The following SEL1L3 variants were observed in gnomAD, a reference collection of about 807,000 sequenced individuals.
SEL1L3 encodes the protein protein sel-1 homolog 3.
Under a neutral mutation model 142.8 loss-of-function variants are expected in SEL1L3, and 76 were observed. The ratio of observed to expected loss-of-function variants is 0.53; its 90% CI spans 0.44 to 0.64. The LOEUF (loss-of-function observed/expected upper bound fraction) is 0.64. Among genes scored for constraint, SEL1L3 ranks in the 30% least tolerant of loss-of-function variants. SEL1L3 has a pLI of 0.00. For missense variants in SEL1L3, 1,262 were observed against 1,381.7 expected (o/e 0.91, Z 1.37); for synonymous variants, 504 against 519.6 (o/e 0.97, Z 0.41).
the SEL1L3 span, among the ~76,000 whole-genome samples, chr4:25,726,584 A>C: frequency 1.3e-5 from 2 of 151,610 alleles, no homozygotes; most frequent in Non-Finnish European, 2.9e-5. Context: ...CTCTGAAGAC[A>C]GCCTGAGATG....
chr4:25,774,399 T>C (rs1719454697), intron 17 of SEL1L3, among the ~76,000 whole-genome samples: 1 of 152,136 alleles, frequency 6.6e-6, no homozygotes, highest in African/African-American at 2.4e-5. Context: ...TCAGGTCTCC[T>C]TTCTCCTTCC....
the SEL1L3 span, among the ~76,000 whole-genome samples, chr4:25,724,746 AAAAAAAAAAAAAAAAAAAAAAAAAAG>A: frequency 1.0e-5 from 1 of 97,052 alleles, no homozygotes; most frequent in South Asian, 3.9e-4. Flanking sequence ...CAAAAAAAAA[AAAAAAAAAAAAAAAAAAAAAAAAAAG>A]GAAAAGAAAT....
At position 25,818,172 on chromosome 4, in the gene SEL1L3, C is replaced by G; in HGVS notation, c.1530G>C (p.Leu510Phe). 6.2e-7 allele frequency: 1 copy of G among 1,611,192 alleles called. No individual in the cohort carries two copies. Among genetic ancestry groups the G allele is most frequent in the South Asian group, 1.1e-5 (1 of 90,126 alleles). Residue 510 changes from leucine to phenylalanine, a missense_variant, in exon 9 of 24, where the codon TTG becomes TTC. This residue lies in a region of SEL1L3 where 689 missense variants were observed against 692.8 expected (regional missense o/e 0.99). Transcript: ENST00000399878. ...GATCCATCTCCAGCAATGCCTGGAACAAGCTGGGGTGTTTGTCTTTCAGCT... is the reference window on the plus strand; with the variant it reads ...GATCCATCTCCAGCAATGCCTGGAAGAAGCTGGGGTGTTTGTCTTTCAGCT... ...EKELKDKHPS[L>F]FQALLEMDLL...
At chr4:25,737,292 G>T in the SEL1L3 span, among the ~76,000 whole-genome samples, 2 of 152,094 alleles carry the variant, frequency 1.3e-5, no homozygotes, top group African/African-American at 4.8e-5. Flanking sequence ...CTCAGACTAG[G>T]TTTAAACAAC....
chr4:25,718,115 T>A, the SEL1L3 span: 1 of 152,164 alleles, frequency 6.6e-6, no homozygotes. Context: ...GGTTTAAGGA[T>A]AATAGGAAGA....
At position 25,862,978 on chromosome 4, in the gene SEL1L3, C is replaced by CCGCCGCCAATGCCGCTCCCGCCGT; in HGVS notation, c.-143_-142insACGGCGGGAGCGGCATTGGCGGCG. The stretch of plus-strand genomic sequence containing the variant: ...CCTGCCGCCACCTCCGGACCCGCCG[C>CCGCCGCCAATGCCGCTCCCGCCGT]CGCCGCCACTGCCGCTCCCGCCGTC... On this transcript the variant is annotated 5_prime_UTR_variant, in exon 1 of 24. Transcript: ENST00000399878. The CCGCCGCCAATGCCGCTCCCGCCGT allele has an allele frequency of 2.3e-6, 1 of 430,836 alleles. No individual in the cohort carries two copies. Among genetic ancestry groups the CCGCCGCCAATGCCGCTCCCGCCGT allele is most frequent in the Non-Finnish European group, 3.1e-6 (1 of 326,110 alleles). 26.7% of individuals were successfully genotyped at this position (430,836 alleles called of 1,614,324 possible). A position where few individuals can be genotyped will look rare whatever the true frequency, so the allele number is the denominator to read the frequency against.
rs368579012 is a variant in SEL1L3 at position 25,788,390 on chromosome 4, A to G, written c.2077-26T>C. 3 of 1,612,068 alleles carry G rather than the reference A, an allele frequency of 1.9e-6. No individual in the cohort carries two copies. Among genetic ancestry groups the G allele is most frequent in the Non-Finnish European group, 2.5e-6 (3 of 1,179,256 alleles). On this transcript the variant is annotated intron_variant, in intron 12 of 23. Coordinates refer to ENST00000399878, the MANE Select transcript of SEL1L3 (RefSeq NM_015187.5). The surrounding 1 kb of genome is among the most constrained non-coding windows in gnomAD (Gnocchi z 5.3). ...CTTAAAGATAATAGCAATTTAGAACAATGACTTTTCCTGTATAATGCTTAA... is the reference window on the plus strand; with the variant it reads ...CTTAAAGATAATAGCAATTTAGAACGATGACTTTTCCTGTATAATGCTTAA...
chr4:25,800,271 C>A (rs1713084874), intron 11 of SEL1L3, among the ~76,000 whole-genome samples: 1 of 152,178 alleles, frequency 6.6e-6, no homozygotes, highest in Non-Finnish European at 1.5e-5. Context: ...ACATTTAAAT[C>A]AACATATGAC....
At chr4:25,862,629 G>A (rs529438286) in intron 1 of SEL1L3, 46 bp downstream of exon 1, 1 of 1,119,390 alleles carries the variant, frequency 8.9e-7, no homozygotes, top group Non-Finnish European at 1.1e-6. Flanking sequence ...CCGCGTCCCC[G>A]GGGCCCCGCG....
chr4:25,856,593 T>TAAAAAAAAAAAA (rs397765802), intron 1 of SEL1L3, among the ~76,000 whole-genome samples: 1 of 117,122 alleles, frequency 8.5e-6, no homozygotes, highest in African/African-American at 2.7e-5. Flanking sequence ...GTATTGTAAT[T>TAAAAAAAAAAAA]AAAAAAAAAA....
intron 11 of SEL1L3, among the ~76,000 whole-genome samples, chr4:25,798,656 C>T (rs1466738840): frequency 6.6e-6 from 1 of 152,118 alleles, no homozygotes; most frequent in Non-Finnish European, 1.5e-5. Flanking sequence ...GGTGAAATCC[C>T]GTCTTCCCTA....
intron 23 of SEL1L3, among the ~76,000 whole-genome samples, chr4:25,751,247 G>T (rs1560272379): frequency 1.3e-5 from 2 of 152,168 alleles, no homozygotes; most frequent in African/African-American, 4.8e-5. Context: ...AGTGGACAAG[G>T]AGAGTGCTTT....
chr4:25,780,720 AATATATAAATAAT>A (rs1283165748), intron 15 of SEL1L3, among the ~76,000 whole-genome samples: 9 of 147,288 alleles, frequency 6.1e-5, no homozygotes, highest in African/African-American at 2.2e-4. Context: ...ATATATATAA[AATATATAAATAAT>A]ATATATAAAT....
At position 25,832,962 on chromosome 4, in the gene SEL1L3, G is replaced by A. The variant is rs373663417; in HGVS notation, c.1098+33C>T. On this transcript the variant is annotated intron_variant, in intron 5 of 23. Coordinates refer to ENST00000399878, the MANE Select transcript of SEL1L3 (RefSeq NM_015187.5). ...TGCTTAACTTTAAGCGAAAATGCTC[G>A]TATGTCGTGTGATGAAGCGTGCATA... 2.6e-5 allele frequency: 34 copies of A among 1,302,374 alleles called. 1 individual carries two copies. The highest frequency in any genetic ancestry group is 6.0e-5 in the South Asian group (5 of 82,894). The allele number at this position is 1,302,374 out of a possible 1,614,324, so 80.7% of individuals were successfully genotyped here. A position where few individuals can be genotyped will look rare whatever the true frequency, so the allele number is the denominator to read the frequency against.
Position 25,847,659 on chromosome 4 carries a change from C to T in SEL1L3, c.368G>A (p.Ser123Asn). 1 of 1,613,976 alleles carries T rather than the reference C, an allele frequency of 6.2e-7. No individual in the cohort carries two copies. The highest frequency in any genetic ancestry group is 8.5e-7 in the Non-Finnish European group (1 of 1,179,876). Residue 123 changes from serine (S) to asparagine (N), a missense_variant, in exon 2 of 24, where the codon AGT becomes AAT. Coordinates refer to ENST00000399878, the MANE Select transcript of SEL1L3 (RefSeq NM_015187.5). ...LEAVVSSEFR[S>N]SIPVYKKRWK... Reference sequence around the variant, plus strand: ...CCTTTTTTTGTACACGGGAATGCTACTTCTGAACTCAGATGAAACAACTGC... The same window carrying T: ...CCTTTTTTTGTACACGGGAATGCTATTTCTGAACTCAGATGAAACAACTGC...
the SEL1L3 span, chr4:25,720,868 C>T: frequency 6.6e-6 from 1 of 152,140 alleles, no homozygotes; most frequent in Non-Finnish European, 1.5e-5. Flanking sequence ...GTATTTGAAA[C>T]TCCTGATGCA....
chr4:25,739,399 A>G, the SEL1L3 span, among the ~76,000 whole-genome samples: 3 of 151,808 alleles, frequency 2.0e-5, no homozygotes, highest in Non-Finnish European at 4.4e-5. Flanking sequence ...AGCACCAACG[A>G]TGATTTAAAA....
chr4:25,738,242 C>T, the SEL1L3 span, among the ~76,000 whole-genome samples: 3 of 152,052 alleles, frequency 2.0e-5, no homozygotes, highest in African/African-American at 7.2e-5. Context: ...TCCAGAGATG[C>T]GGAACCCATG....
intron 9 of SEL1L3, among the ~76,000 whole-genome samples, chr4:25,817,383 G>A (rs1034906157): frequency 5.3e-5 from 8 of 152,170 alleles, no homozygotes; most frequent in East Asian, 1.9e-4. Flanking sequence ...TCACCAGACC[G>A]AACATCTCCA....
Sources: gnomAD v4.1 joint callset for allele counts (sites outside exome capture counted in the v4.1 genomes callset) on GRCh38, gnomAD v4.1.1 for gene constraint, gnomAD v4.1.1 regional missense constraint, Gnocchi (gnomAD v3.1) non-coding constraint, MANE v1.5 for transcripts, NCBI Gene and HGNC (gene_info 2026-07-23, HGNC 2026-07-21) for gene names.